FRY: variants seen among roughly 807,000 people sequenced by gnomAD.
The protein encoded by FRY is protein furry homolog.
FRY carries 128 observed loss-of-function variants against 348.4 expected under a neutral mutation model. That is an observed-to-expected ratio of 0.37 (90% CI 0.32 to 0.43). The LOEUF is 0.43. Among genes scored for constraint, FRY ranks in the 20% least tolerant of loss-of-function variants. FRY has a pLI of 1.00. For synonymous variants in FRY, 1,370 were observed against 1,374.7 expected (o/e 1.00, Z 0.08); for missense variants, 2,736 against 3,695.2 (o/e 0.74, Z 6.73).
Position 32,253,467 on chromosome 13 carries a change from A to G in FRY, c.7246-757A>G, listed in dbSNP as rs374750644. On this transcript the variant is annotated intron_variant, in intron 50 of 60. Coordinates refer to ENST00000542859, the MANE Select transcript of FRY (RefSeq NM_023037.3). The stretch of plus-strand genomic sequence containing the variant: ...AAGAATACTATTAATTTTCTTTAAT[A>G]TCTATCTATGTTCAGTAGAGGCTGG... 3.5e-4 allele frequency among the ~76,000 whole-genome samples: 53 copies of G among 152,352 alleles called. No homozygotes were observed. The South Asian group carries it at 0.011, about 31-fold the overall frequency.
chr13:32,126,703 A>G (rs1879043110), intron 7 of FRY, among the ~76,000 whole-genome samples: 1 of 152,196 alleles, frequency 6.6e-6, no homozygotes, highest in Admixed American at 6.5e-5. Flanking sequence ...ATAAACTTAA[A>G]CTAGTATCAT....
At chr13:32,111,681 A>G (rs1877974389) in intron 3 of FRY, among the ~76,000 whole-genome samples, 1 of 152,148 alleles carries the variant, frequency 6.6e-6, no homozygotes, top group Non-Finnish European at 1.5e-5. Flanking sequence ...CTTATACCAA[A>G]TGAAGTACAG....
intron 1 of FRY, among the ~76,000 whole-genome samples, chr13:32,055,120 C>T (rs1396112414): frequency 4.6e-5 from 7 of 152,208 alleles, no homozygotes; most frequent in Non-Finnish European, 1.0e-4. Flanking sequence ...GATCATAGAT[C>T]ACTGAAGCCT....
intron 7 of FRY, among the ~76,000 whole-genome samples, chr13:32,127,802 G>A (rs968714002): frequency 2.0e-5 from 3 of 151,996 alleles, no homozygotes; most frequent in South Asian, 2.1e-4. Flanking sequence ...AAAGATAGAC[G>A]TATTTATTTT....
At chr13:32,146,836 T>C (rs2138827586) in intron 11 of FRY, among the ~76,000 whole-genome samples, 1 of 152,298 alleles carries the variant, frequency 6.6e-6, no homozygotes, top group Admixed American at 6.5e-5. Flanking sequence ...CTAGTACACA[T>C]TAGTCTCAAT....
chr13:32,125,144 T>C (rs1023177085), intron 7 of FRY, among the ~76,000 whole-genome samples: 3 of 152,252 alleles, frequency 2.0e-5, no homozygotes, highest in Non-Finnish European at 4.4e-5. Flanking sequence ...TACATTTCTC[T>C]CTGCCTAAAT....
chr13:32,222,343 G>T (rs1377448966), intron 36 of FRY, among the ~76,000 whole-genome samples: 1 of 152,200 alleles, frequency 6.6e-6, no homozygotes, highest in Non-Finnish European at 1.5e-5. Flanking sequence ...GGCCACGGGT[G>T]TGGATTTGTG....
intron 55 of FRY, among the ~76,000 whole-genome samples, chr13:32,272,385 T>C (rs1888248883): frequency 6.6e-6 from 1 of 152,260 alleles, no homozygotes; most frequent in African/African-American, 2.4e-5. Flanking sequence ...GTCTCAGTCA[T>C]TGTGTTTTCT....
rs2072083129 is a variant in FRY, at chr13:32,297,571, T to C, written c.*2111T>C. On this transcript the variant is annotated 3_prime_UTR_variant, in exon 61 of 61. Coordinates refer to ENST00000542859, the MANE Select transcript of FRY (RefSeq NM_023037.3). ...TATTAACATAGGAAGCAGTGGTCTG[T>C]GTTTTTCTCAATTTTATTTTTAAAA... is the stretch of plus-strand genomic sequence containing the variant. 2.6e-5 allele frequency: 4 copies of C among 152,344 alleles called. No individual in the cohort carries two copies. In the South Asian group the frequency reaches 8.3e-4, roughly 32 times the overall value. The allele number at this position is 152,344 out of a possible 1,614,324, so 9.4% of individuals were successfully genotyped here. A position where few individuals can be genotyped will look rare whatever the true frequency, so the allele number is the denominator to read the frequency against.
chr13:32,133,079 G>C (rs529277479), intron 8 of FRY, among the ~76,000 whole-genome samples: 1 of 152,278 alleles, frequency 6.6e-6, no homozygotes, highest in African/African-American at 2.4e-5. Context: ...GAGGGGTAGA[G>C]TTTCCTTTGG....
At chr13:32,194,448 C>G in intron 29 of FRY, 151 bp downstream of exon 29, 1 of 696,934 alleles carries the variant, frequency 1.4e-6, no homozygotes, top group South Asian at 1.7e-5. Flanking sequence ...AGGTAAACTA[C>G]TCCCTGTAAG....
chr13:32,095,977 T>C lies in FRY; in HGVS notation c.271-5986T>C, dbSNP rs75087284. On this transcript the variant is annotated intron_variant, in intron 2 of 60. Coordinates refer to ENST00000542859, the MANE Select transcript of FRY (RefSeq NM_023037.3). Reference sequence around the variant, plus strand: ...TCCATCCTTCCTTTCTTCCCTTTTATTCCCTCTTTCCTTCCTTCCATCTTT... The same window carrying C: ...TCCATCCTTCCTTTCTTCCCTTTTACTCCCTCTTTCCTTCCTTCCATCTTT... Among the ~76,000 whole-genome samples the C allele has an allele frequency of 4.8e-3, 724 of 151,974 alleles. 6 individuals carry two copies. Among genetic ancestry groups the C allele is most frequent in the African/African-American group, 0.017 (691 of 41,450 alleles).
intron 8 of FRY, among the ~76,000 whole-genome samples, chr13:32,132,659 C>T (rs899019821): frequency 1.3e-5 from 2 of 152,144 alleles, no homozygotes; most frequent in African/African-American, 2.4e-5. Flanking sequence ...CTAGAATTAC[C>T]GTATGATCCA....
At chr13:32,091,538 G>A (rs1322813070) in intron 2 of FRY, among the ~76,000 whole-genome samples, 2 of 152,220 alleles carry the variant, frequency 1.3e-5, no homozygotes, top group South Asian at 2.1e-4. Context: ...TGGTTCATAC[G>A]AAGTAGAGTG....
At chr13:32,059,862 A>G (rs1032449361) in intron 1 of FRY, among the ~76,000 whole-genome samples, 4 of 152,234 alleles carry the variant, frequency 2.6e-5, no homozygotes, top group Non-Finnish European at 4.4e-5. Flanking sequence ...ACCAAATACC[A>G]CATATTCACC....
At chr13:32,062,718 C>A (rs908278036) in intron 1 of FRY, among the ~76,000 whole-genome samples, 3 of 151,996 alleles carry the variant, frequency 2.0e-5, no homozygotes, top group Non-Finnish European at 4.4e-5. Flanking sequence ...AAATCAAACA[C>A]CAGCAAGACT....
chr13:32,198,877 A>C (rs1010207917), intron 29 of FRY, among the ~76,000 whole-genome samples: 16 of 152,226 alleles, frequency 1.1e-4, no homozygotes, highest in African/African-American at 3.9e-4. Flanking sequence ...GCAATATATC[A>C]GTATGTACCA....
chr13:32,281,228 A>G (rs1888792422), intron 58 of FRY, among the ~76,000 whole-genome samples: 2 of 152,234 alleles, frequency 1.3e-5, no homozygotes, highest in South Asian at 4.1e-4. Flanking sequence ...CAAGTACTGT[A>G]CACACGTAAT....
chr13:32,266,064 GA>G (rs5802641), intron 54 of FRY, among the ~76,000 whole-genome samples: 57 of 147,408 alleles, frequency 3.9e-4, no homozygotes, highest in Admixed American at 1.5e-3. Flanking sequence ...TATAGAAACA[GA>G]AAAAAAAAAT....
Sources: gnomAD v4.1 joint callset for allele counts (sites outside exome capture counted in the v4.1 genomes callset) on GRCh38, gnomAD v4.1.1 for gene constraint, MANE v1.5 for transcripts, NCBI Gene and HGNC (gene_info 2026-07-23, HGNC 2026-07-21) for gene names.